The following GPR158 variants were observed in gnomAD, a reference collection of about 807,000 sequenced individuals.
GPR158 encodes metabotropic glycine receptor.
A neutral mutation model predicts 78.2 loss-of-function variants in GPR158; 30 were observed. The observed-to-expected ratio is 0.38, with a 90% CI of 0.29 to 0.52. GPR158 has a LOEUF of 0.52. Ranked by LOEUF, GPR158 falls within the 20% of genes least tolerant of loss-of-function variation. The pLI, the probability that GPR158 is intolerant of heterozygous loss-of-function variation, is 0.83. For missense variants in GPR158, 1,463 were observed against 1,523.5 expected, an observed-to-expected ratio of 0.96 and a Z score of 0.66; for synonymous variants, 581 against 591.1, an observed-to-expected ratio of 0.98 and a Z score of 0.25.
At chr10:25,435,952 A>C (rs1019319241) in intron 4 of GPR158, among the ~76,000 whole-genome samples, 1 of 152,176 alleles carries the variant, frequency 6.6e-6, no homozygotes, top group Non-Finnish European at 1.5e-5. Context: ...AATGGGAAAA[A>C]ATAGAAATCC....
chr10:25,211,140 GAAA>G (rs60869522), intron 1 of GPR158, among the ~76,000 whole-genome samples: 1 of 125,566 alleles, frequency 8.0e-6, no homozygotes, highest in African/African-American at 2.9e-5. Context: ...CAAGAAAAAA[GAAA>G]AAAAAAAAAA....
intron 2 of GPR158, among the ~76,000 whole-genome samples, chr10:25,363,386 A>G (rs1359435236): frequency 1.3e-5 from 2 of 151,924 alleles, no homozygotes; most frequent in Non-Finnish European, 2.9e-5. Context: ...TGTTGATTAA[A>G]CCACACTCTG....
At chr10:25,395,462 A>C (rs1834352464) in intron 2 of GPR158, among the ~76,000 whole-genome samples, 1 of 152,150 alleles carries the variant, frequency 6.6e-6, no homozygotes, top group Non-Finnish European at 1.5e-5. Context: ...TCATAAAAGC[A>C]ATTTTCACAT....
intron 3 of GPR158, among the ~76,000 whole-genome samples, chr10:25,406,005 A>C (rs1266015366): frequency 6.6e-6 from 1 of 152,086 alleles, no homozygotes; most frequent in Non-Finnish European, 1.5e-5. Flanking sequence ...GAGACAGCTC[A>C]CTTTGGAACG....
chr10:25,405,494 T>C (rs1271660511), intron 3 of GPR158, among the ~76,000 whole-genome samples: 1 of 135,372 alleles, frequency 7.4e-6, no homozygotes, highest in Non-Finnish European at 1.6e-5. Flanking sequence ...AGAGAAACAA[T>C]TTCCTTTTTT....
At chr10:25,451,895 A>C (rs1434757358) in intron 4 of GPR158, among the ~76,000 whole-genome samples, 1 of 152,156 alleles carries the variant, frequency 6.6e-6, no homozygotes, top group Middle Eastern at 3.2e-3. Flanking sequence ...TCATGGAGAA[A>C]AATTCCCTTG....
chr10:25,286,049 G>T (rs1033543348), intron 2 of GPR158, among the ~76,000 whole-genome samples: 1 of 151,968 alleles, frequency 6.6e-6, no homozygotes, highest in African/African-American at 2.4e-5. Flanking sequence ...CTCTGGTGAC[G>T]TTCAATATTT....
chr10:25,470,036 T>TA (rs892490670), intron 5 of GPR158, among the ~76,000 whole-genome samples: 17 of 152,076 alleles, frequency 1.1e-4, no homozygotes, highest in African/African-American at 3.9e-4. Flanking sequence ...CCAATTTACT[T>TA]AGAGTAAAAG....
chr10:25,375,607 C>A (rs1834067241), intron 2 of GPR158, among the ~76,000 whole-genome samples: 1 of 151,092 alleles, frequency 6.6e-6, no homozygotes, highest in African/African-American at 2.4e-5. Context: ...TTTGTTTTTG[C>A]CTATCAATAT....
chr10:25,417,994 T>C (rs2130556312), intron 4 of GPR158, among the ~76,000 whole-genome samples: 1 of 152,306 alleles, frequency 6.6e-6, no homozygotes, highest in South Asian at 2.1e-4. Context: ...GCCCCTTTTA[T>C]TTATATTAGA....
At chr10:25,242,144 A>G (rs1372622985) in intron 2 of GPR158, among the ~76,000 whole-genome samples, 1 of 152,244 alleles carries the variant, frequency 6.6e-6, no homozygotes, top group Admixed American at 6.5e-5. Context: ...GGGAGGCAGC[A>G]GCTTTTAATA....
intron 2 of GPR158, among the ~76,000 whole-genome samples, chr10:25,308,629 A>G (rs893000470): frequency 1.3e-5 from 2 of 152,110 alleles, no homozygotes; most frequent in South Asian, 2.1e-4. Context: ...TTCATCTTTC[A>G]TGCAACAATC....
intron 1 of GPR158, among the ~76,000 whole-genome samples, chr10:25,198,358 G>C (rs140591819): frequency 6.6e-5 from 10 of 152,282 alleles, no homozygotes; most frequent in Admixed American, 2.0e-4. Context: ...AGCTTCTCTG[G>C]ACATGTCTGC....
chr10:25,531,077 T>C (rs1836416724), intron 5 of GPR158, among the ~76,000 whole-genome samples: 1 of 152,232 alleles, frequency 6.6e-6, no homozygotes, highest in Non-Finnish European at 1.5e-5. Context: ...TAATGGTAGG[T>C]ATTTTAGACA....
intron 7 of GPR158, among the ~76,000 whole-genome samples, chr10:25,576,337 T>A (rs1441384686): frequency 6.6e-6 from 1 of 152,186 alleles, no homozygotes; most frequent in Non-Finnish European, 1.5e-5. Context: ...AACTCCTTTC[T>A]GATCACAACC....
intron 4 of GPR158, among the ~76,000 whole-genome samples, chr10:25,465,885 T>G (rs541162860): frequency 6.6e-6 from 1 of 152,318 alleles, no homozygotes; most frequent in East Asian, 1.9e-4. Flanking sequence ...AGTGGCTAAG[T>G]TGGCTGTTCT....
At chr10:25,579,036 A>G (rs1473954688) in intron 7 of GPR158, among the ~76,000 whole-genome samples, 2 of 149,292 alleles carry the variant, frequency 1.3e-5, no homozygotes. Flanking sequence ...AAATAAAAAA[A>G]TAAAGATTAA....
intron 1 of GPR158, among the ~76,000 whole-genome samples, chr10:25,208,207 T>G (rs1378709680): frequency 1.3e-5 from 2 of 152,238 alleles, no homozygotes; most frequent in Non-Finnish European, 2.9e-5. Flanking sequence ...TTTTTCACAT[T>G]TTAATATGCC....
intron 1 of GPR158, among the ~76,000 whole-genome samples, chr10:25,200,029 C>T (rs1852900148): frequency 6.6e-6 from 1 of 151,954 alleles, no homozygotes; most frequent in South Asian, 2.1e-4. Flanking sequence ...AGGTATATTC[C>T]CAATAATGGG....
Sources: allele counts gnomAD v4.1 joint callset (sites outside exome capture counted in the v4.1 genomes callset), GRCh38; gene constraint gnomAD v4.1.1; transcripts MANE v1.5; gene names NCBI Gene and HGNC (gene_info 2026-07-23, HGNC 2026-07-21).